LRTM2: variants seen among roughly 807,000 people sequenced by gnomAD.
LRTM2 encodes the protein leucine-rich repeat and transmembrane domain-containing protein 2.
LRTM2 carries 18 observed loss-of-function variants against 28.1 expected under a neutral mutation model. That is an observed-to-expected ratio of 0.64 (90% confidence interval 0.44 to 0.95). The LOEUF is 0.95. Ranked by LOEUF, LRTM2 falls within the 40% of genes least tolerant of loss-of-function variation. LRTM2 has a pLI of 0.00. For missense variants in LRTM2, 436 were observed against 497.2 expected, an observed-to-expected ratio of 0.88 and a Z score of 1.17; for synonymous variants, 250 against 218.7, an observed-to-expected ratio of 1.14 and a Z score of -1.26.
Position 1,834,855 on chromosome 12 carries a change from A to G in LRTM2, c.*134A>G. 7.0e-7 allele frequency: 1 copy of G among 1,423,770 alleles called. No individual in the cohort carries two copies. The highest frequency in any genetic ancestry group is 1.5e-5 in the South Asian group (1 of 66,884). 88.2% of individuals were successfully genotyped at this position (1,423,770 alleles called of 1,614,324 possible). On this transcript the variant is annotated 3_prime_UTR_variant, in exon 5 of 5. Coordinates refer to ENST00000299194, the MANE Select transcript of LRTM2 (RefSeq NM_001039029.3). The surrounding 1 kb of genome is among the most constrained non-coding windows in gnomAD (Gnocchi z 7.6). ...CCTCCTCCCCGCCCTCCAGCAGACAAGCCACACCGGGTTCTCTCCCTGCAC... is the reference window on the plus strand; with the variant it reads ...CCTCCTCCCCGCCCTCCAGCAGACAGGCCACACCGGGTTCTCTCCCTGCAC...
rs768339003 is a variant in LRTM2 at position 1,828,373 on chromosome 12, G to C, written c.67+158G>C. Among the ~76,000 whole-genome samples, 32 of 152,214 alleles carry C rather than the reference G, an allele frequency of 2.1e-4. No individual in the cohort carries two copies. The highest frequency in any genetic ancestry group is 4.0e-4 in the Non-Finnish European group (27 of 68,020). On this transcript the variant is annotated intron_variant, in intron 3 of 4. Transcript: ENST00000299194. The surrounding 1 kb of genome is among the most constrained non-coding windows in gnomAD (Gnocchi z 4.2). ...CCGAGGCTATGTTCTGGGAAGCCAG[G>C]GTCACGCCCACGGTGACAGCATCCC...
chr12:1,831,272 G>A lies in LRTM2; in HGVS notation c.405G>A (p.Leu135=), dbSNP rs1175942749. 6.2e-7 allele frequency: 1 copy of A among 1,613,702 alleles called. No individual in the cohort carries two copies. Among genetic ancestry groups the A allele is most frequent in the South Asian group, 1.1e-5 (1 of 91,092 alleles). The change falls in exon 4 of 5, where the codon CTG becomes CTA. Residue 135 remains leucine (L), a synonymous_variant. Transcript: ENST00000299194. ...NNSIRTLDRD[L]LRHSPLLRHL... Reference sequence around the variant, plus strand: ...GCATCAGGACCCTGGACAGGGACCTGCTGCGGCACTCGCCGCTGCTCCGCC... The same window carrying A: ...GCATCAGGACCCTGGACAGGGACCTACTGCGGCACTCGCCGCTGCTCCGCC...
At chr12:1,823,320 A>G (rs533360089) in intron 1 of LRTM2, 1 of 152,374 alleles carries the variant, frequency 6.6e-6, no homozygotes, top group South Asian at 2.1e-4. Flanking sequence ...GAGACTGATT[A>G]ATTAACCTCC....
Position 1,828,522 on chromosome 12 carries a change from T to A in LRTM2, c.67+307T>A, listed in dbSNP as rs886945. 3.9e-4 allele frequency among the ~76,000 whole-genome samples: 59 copies of A among 152,170 alleles called. No individual in the cohort carries two copies. The highest frequency in any genetic ancestry group is 6.9e-4 in the Non-Finnish European group (47 of 67,992). On this transcript the variant is annotated intron_variant, in intron 3 of 4. Transcript: ENST00000299194. This position sits in a 1 kb window ranked among gnomAD's most constrained non-coding sequence, Gnocchi z 4.2. The stretch of plus-strand genomic sequence containing the variant: ...CTGGGGTCCCCAACAGGAGAAGAGC[T>A]CTGCTGGAATGCAGGCCTGCTGAGT...
rs1291749525 is a variant in LRTM2 at position 1,834,412 on chromosome 12, C to G, written c.804C>G (p.Pro268=). ...CTGGGCTGGATATTCCTGGGCCACCCTGCACCAAGGCCAGTCCAGAGCCTG... is the reference window on the plus strand; with the variant it reads ...CTGGGCTGGATATTCCTGGGCCACCGTGCACCAAGGCCAGTCCAGAGCCTG... ...SSAGLDIPGP[P]CTKASPEPAK... Residue 268 remains proline (P), a synonymous_variant, in exon 5 of 5, where the codon CCC becomes CCG. Transcript: ENST00000299194. The surrounding 1 kb of genome is among the most constrained non-coding windows in gnomAD (Gnocchi z 7.6). 6 of 1,613,062 alleles carry G rather than the reference C, an allele frequency of 3.7e-6. No homozygotes were observed. Among genetic ancestry groups the G allele is most frequent in the Non-Finnish European group, 5.1e-6 (6 of 1,180,012 alleles).
In LRTM2 at chr12:1,835,157, T is replaced by A; in HGVS notation, c.*436T>A. ...GATCTGAGGGATGAAGGTAGATTTC[T>A]GAGACTCTCTCCTAAGCCAGAAAGA... On this transcript the variant is annotated 3_prime_UTR_variant, in exon 5 of 5. Coordinates refer to ENST00000299194, the MANE Select transcript of LRTM2 (RefSeq NM_001039029.3). 5.9e-6 allele frequency: 1 copy of A among 168,298 alleles called. No homozygotes were observed. The highest frequency in any genetic ancestry group is 1.3e-5 in the Non-Finnish European group (1 of 78,114). The allele number at this position is 168,298 out of a possible 1,614,324, so 10.4% of individuals were successfully genotyped here.
In LRTM2 at chr12:1,831,126, G is replaced by C; in HGVS notation, c.259G>C (p.Ala87Pro). 6.2e-7 allele frequency: 1 copy of C among 1,613,952 alleles called. No homozygotes were observed. Among genetic ancestry groups the C allele is most frequent in the Non-Finnish European group, 8.5e-7 (1 of 1,180,052 alleles). Reference sequence around the variant, plus strand: ...TAAGCTGAGTGCCCTGCCAAGCTGGGCTTTCGCCAACCTCTCCAGCCTGCA... The same window carrying C: ...TAAGCTGAGTGCCCTGCCAAGCTGGCCTTTCGCCAACCTCTCCAGCCTGCA... ...NNKLSALPSW[A>P]FANLSSLQRL... The change falls in exon 4 of 5, where the codon GCT becomes CCT. Residue 87 changes from alanine (A) to proline (P), a missense_variant. By Grantham distance (27) the Ala-to-Pro change is conservative (BLOSUM62 -1). Coordinates refer to ENST00000299194, the MANE Select transcript of LRTM2 (RefSeq NM_001039029.3).
intron 3 of LRTM2, among the ~76,000 whole-genome samples, chr12:1,830,131 A>G (rs566826001): frequency 1.3e-5 from 2 of 152,278 alleles, no homozygotes; most frequent in African/African-American, 2.4e-5. Flanking sequence ...CCCTAGGAAC[A>G]GAAGCCCAGG....
At position 1,834,201 on chromosome 12, in the gene LRTM2, G is replaced by A; in HGVS notation, c.659-66G>A. On this transcript the variant is annotated intron_variant, in intron 4 of 4. Coordinates refer to ENST00000299194, the MANE Select transcript of LRTM2 (RefSeq NM_001039029.3). This position sits in a 1 kb window ranked among gnomAD's most constrained non-coding sequence, Gnocchi z 7.6. ...TGGGGCTTCCGTTTTGGGGAGCTGG[G>A]GATGGGGAGAGGGAGTGCAAGTTCT... 2.0e-6 allele frequency: 3 copies of A among 1,499,044 alleles called. No homozygotes were observed. The South Asian group carries it at 4.1e-5, about 20-fold the overall frequency. The allele number at this position is 1,499,044 out of a possible 1,614,324, so 92.9% of individuals were successfully genotyped here.
chr12:1,830,916 G>A lies in LRTM2; in HGVS notation c.68-19G>A, dbSNP rs761497944. On this transcript the variant is annotated intron_variant, in intron 3 of 4. Coordinates refer to ENST00000299194, the MANE Select transcript of LRTM2 (RefSeq NM_001039029.3). The stretch of plus-strand genomic sequence containing the variant: ...CCCGTCCTATTGCTTTCTTTCCCCC[G>A]TCTGTCCCTCCCACCAAGGGATCAC... 41 of 1,576,862 alleles carry A rather than the reference G, an allele frequency of 2.6e-5. No homozygotes were observed. Among genetic ancestry groups the A allele is most frequent in the Middle Eastern group, 1.7e-4 (1 of 5,918 alleles).
intron 1 of LRTM2, among the ~76,000 whole-genome samples, chr12:1,824,272 T>TA (rs1168792045): frequency 2.0e-5 from 3 of 152,206 alleles, no homozygotes; most frequent in Non-Finnish European, 4.4e-5. Flanking sequence ...GGGATCTTGT[T>TA]AAAATGCGGA....
Position 1,834,841 on chromosome 12 carries a change from C to T in LRTM2, c.*120C>T. 7.0e-7 allele frequency: 1 copy of T among 1,432,436 alleles called. No homozygotes were observed. Among genetic ancestry groups the T allele is most frequent in the South Asian group, 1.5e-5 (1 of 67,498 alleles). The allele number at this position is 1,432,436 out of a possible 1,614,324, so 88.7% of individuals were successfully genotyped here. ...CTCCCCGAGTCCACCCTCCTCCCCGCCCTCCAGCAGACAAGCCACACCGGG... is the reference window on the plus strand; with the variant it reads ...CTCCCCGAGTCCACCCTCCTCCCCGTCCTCCAGCAGACAAGCCACACCGGG... On this transcript the variant is annotated 3_prime_UTR_variant, in exon 5 of 5. Coordinates refer to ENST00000299194, the MANE Select transcript of LRTM2 (RefSeq NM_001039029.3). The surrounding 1 kb of genome is among the most constrained non-coding windows in gnomAD (Gnocchi z 7.6).
chr12:1,833,511 C>T lies in LRTM2; in HGVS notation c.659-756C>T, dbSNP rs1313507105. ...GAGCCCGTGCGCCCAGGTACCCACA[C>T]CTCCTCATCAACACCAGCCTCCTCT... On this transcript the variant is annotated intron_variant, in intron 4 of 4. Coordinates refer to ENST00000299194, the MANE Select transcript of LRTM2 (RefSeq NM_001039029.3). The surrounding 1 kb of genome is among the most constrained non-coding windows in gnomAD (Gnocchi z 4.2). Among the ~76,000 whole-genome samples the T allele has an allele frequency of 6.6e-6, 1 of 152,174 alleles. No homozygotes were observed. The highest frequency in any genetic ancestry group is 1.5e-5 in the Non-Finnish European group (1 of 68,030).
Position 1,829,382 on chromosome 12 carries a change from G to A in LRTM2, c.67+1167G>A, listed in dbSNP as rs368036269. Among the ~76,000 whole-genome samples the A allele has an allele frequency of 1.4e-4, 21 of 152,218 alleles. No individual in the cohort carries two copies. Among genetic ancestry groups the A allele is most frequent in the East Asian group, 7.7e-4 (4 of 5,164 alleles). ...GGGGCTGGCTGATCTGGTAGCAGAC[G>A]GGCTCAGAGGGGTGAGAGGGTGAGC... On this transcript the variant is annotated intron_variant, in intron 3 of 4. Coordinates refer to ENST00000299194, the MANE Select transcript of LRTM2 (RefSeq NM_001039029.3). The surrounding 1 kb of genome is among the most constrained non-coding windows in gnomAD (Gnocchi z 4.2).
chr12:1,835,410 TGAAA>T lies in LRTM2; in HGVS notation c.*693_*696del, dbSNP rs1358006571. On this transcript the variant is annotated 3_prime_UTR_variant, in exon 5 of 5. Coordinates refer to ENST00000299194, the MANE Select transcript of LRTM2 (RefSeq NM_001039029.3). ...GCATCACCAGTGCGGTCACATGGAT[TGAAA>T]GAATTAATACACACACACACACACA... is the stretch of plus-strand genomic sequence containing the variant. 2 of 152,036 alleles carry T rather than the reference TGAAA, an allele frequency of 1.3e-5. No individual in the cohort carries two copies. The highest frequency in any genetic ancestry group is 1.9e-4 in the East Asian group (1 of 5,180). 9.4% of individuals were successfully genotyped at this position (152,036 alleles called of 1,614,324 possible). A position where few individuals can be genotyped will look rare whatever the true frequency, so the allele number is the denominator to read the frequency against.
rs145706419 is a variant in LRTM2 at position 1,829,843 on chromosome 12, G to A, written c.68-1092G>A. ...CTGACCTCGGCTGGGCTGACCTGGTGGGGCTGAACTATTTTGAATTCTTCC... is the reference window on the plus strand; with the variant it reads ...CTGACCTCGGCTGGGCTGACCTGGTAGGGCTGAACTATTTTGAATTCTTCC... On this transcript the variant is annotated intron_variant, in intron 3 of 4. Coordinates refer to ENST00000299194, the MANE Select transcript of LRTM2 (RefSeq NM_001039029.3). This position sits in a 1 kb window ranked among gnomAD's most constrained non-coding sequence, Gnocchi z 4.2. Among the ~76,000 whole-genome samples, 340 of 152,104 alleles carry A rather than the reference G, an allele frequency of 2.2e-3. 1 individual carries two copies. The highest frequency in any genetic ancestry group is 7.8e-3 in the African/African-American group (323 of 41,532).
In LRTM2 at chr12:1,828,030, C is replaced by T. The variant is rs759927019; in HGVS notation, c.-73-46C>T. On this transcript the variant is annotated intron_variant, in intron 2 of 4. Transcript: ENST00000299194. The surrounding 1 kb of genome is among the most constrained non-coding windows in gnomAD (Gnocchi z 4.2). ...CCTCTCCCTAACCCCTGGGCTGGAA[C>T]GGGGCTCCCGCGCCTGCCTGTGCTC... 4.7e-4 allele frequency: 423 copies of T among 902,040 alleles called. No homozygotes were observed. Among genetic ancestry groups the T allele is most frequent in the Non-Finnish European group, 5.8e-4 (366 of 636,518 alleles). 55.9% of individuals were successfully genotyped at this position (902,040 alleles called of 1,614,324 possible). A position where few individuals can be genotyped will look rare whatever the true frequency, so the allele number is the denominator to read the frequency against.
Position 1,831,132 on chromosome 12 carries a change from G to A in LRTM2, c.265G>A (p.Ala89Thr), listed in dbSNP as rs145308565. 2.7e-5 allele frequency: 44 copies of A among 1,613,776 alleles called. No individual in the cohort carries two copies. Among genetic ancestry groups the A allele is most frequent in the African/African-American group, 1.5e-4 (11 of 74,940 alleles). ...KLSALPSWAF[A>T]NLSSLQRLDL... ...GAGTGCCCTGCCAAGCTGGGCTTTC[G>A]CCAACCTCTCCAGCCTGCAGCGGTT... The change falls in exon 4 of 5, where the codon GCC becomes ACC. Residue 89 changes from alanine (A) to threonine (T), a missense_variant. By Grantham distance (58) the Ala-to-Thr change is moderately conservative. Transcript: ENST00000299194.
intron 1 of LRTM2, among the ~76,000 whole-genome samples, chr12:1,821,489 T>C (rs1247573476): frequency 6.6e-6 from 1 of 152,166 alleles, no homozygotes; most frequent in Non-Finnish European, 1.5e-5. Context: ...AGCCCTTCCC[T>C]GCTAGCCCAA....
Sources: allele counts gnomAD v4.1 joint callset (sites outside exome capture counted in the v4.1 genomes callset), GRCh38; gene constraint gnomAD v4.1.1; non-coding constraint Gnocchi (gnomAD v3.1); transcripts MANE v1.5; gene names NCBI Gene and HGNC (gene_info 2026-07-23, HGNC 2026-07-21).